CNTN5: variants seen among roughly 807,000 people sequenced by gnomAD.
The protein encoded by CNTN5 is contactin 5, also known as contactin-5.
CNTN5 carries 77 observed loss-of-function variants against 129.1 expected under a neutral mutation model. That is an observed-to-expected ratio of 0.60 (90% CI 0.50 to 0.72). The LOEUF is 0.72. Ranked by LOEUF, CNTN5 falls within the 30% of genes least tolerant of loss-of-function variation. The pLI is 0.00. For synonymous variants in CNTN5, 509 were observed against 465.6 expected (o/e 1.09, Z -1.20); for missense variants, 1,478 against 1,328.8 (o/e 1.11, Z -1.75).
intron 6 of CNTN5, among the ~76,000 whole-genome samples, chr11:99,863,334 G>A (rs1412114961): frequency 6.6e-6 from 1 of 152,110 alleles, no homozygotes; most frequent in Non-Finnish European, 1.5e-5. Flanking sequence ...GGACACAATG[G>A]AGTAGAGATT....
intron 3 of CNTN5, among the ~76,000 whole-genome samples, chr11:99,573,981 A>G (rs959648915): frequency 1.3e-5 from 2 of 152,106 alleles, no homozygotes; most frequent in African/African-American, 2.4e-5. Flanking sequence ...AAGTATACAC[A>G]TGCCATGGTG....
intron 18 of CNTN5, among the ~76,000 whole-genome samples, chr11:100,283,754 T>C (rs948758126): frequency 2.0e-5 from 3 of 152,116 alleles, no homozygotes; most frequent in African/African-American, 7.2e-5. Flanking sequence ...GAGACCAGCC[T>C]GACCAACATG....
chr11:100,288,439 C>T (rs1950856694), intron 18 of CNTN5, among the ~76,000 whole-genome samples: 1 of 152,140 alleles, frequency 6.6e-6, no homozygotes, highest in African/African-American at 2.4e-5. Flanking sequence ...CAAACTAGAA[C>T]TCAGGATTAA....
intron 1 of CNTN5, among the ~76,000 whole-genome samples, chr11:99,119,027 A>G (rs1381820189): frequency 6.6e-6 from 1 of 152,112 alleles, no homozygotes; most frequent in East Asian, 1.9e-4. Context: ...AATTTTTTAA[A>G]TTACAACCTA....
chr11:99,442,446 A>T (rs1404854873), intron 2 of CNTN5, among the ~76,000 whole-genome samples: 1 of 152,220 alleles, frequency 6.6e-6, no homozygotes, highest in Non-Finnish European at 1.5e-5. Flanking sequence ...CTGGGATTAC[A>T]GGTGTGAGGC....
chr11:99,511,370 T>A (rs1946829652), intron 2 of CNTN5, among the ~76,000 whole-genome samples: 1 of 152,160 alleles, frequency 6.6e-6, no homozygotes, highest in African/African-American at 2.4e-5. Context: ...AGTTTCTTAA[T>A]CCTGAGTTCT....
intron 1 of CNTN5, among the ~76,000 whole-genome samples, chr11:99,066,190 G>A (rs1007681111): frequency 2.0e-5 from 3 of 151,990 alleles, no homozygotes; most frequent in African/African-American, 7.2e-5. Flanking sequence ...TGCAACCTTC[G>A]CCTCCTGGGT....
At chr11:100,180,611 A>G (rs1326612965) in intron 13 of CNTN5, among the ~76,000 whole-genome samples, 1 of 152,034 alleles carries the variant, frequency 6.6e-6, no homozygotes, top group African/African-American at 2.4e-5. Flanking sequence ...CTATAAAAGG[A>G]AAGTTGATAG....
At chr11:99,507,746 A>G (rs1328380370) in intron 2 of CNTN5, among the ~76,000 whole-genome samples, 1 of 152,212 alleles carries the variant, frequency 6.6e-6, no homozygotes, top group African/African-American at 2.4e-5. Flanking sequence ...TTCACGTGCC[A>G]TATTTTTTCA....
intron 3 of CNTN5, among the ~76,000 whole-genome samples, chr11:99,667,449 A>G (rs1030455062): frequency 6.6e-6 from 1 of 152,120 alleles, no homozygotes; most frequent in East Asian, 1.9e-4. Flanking sequence ...CTCAATGGCT[A>G]ATGTTGATAG....
intron 8 of CNTN5, among the ~76,000 whole-genome samples, chr11:99,985,143 C>T (rs1005490717): frequency 1.3e-5 from 2 of 152,072 alleles, no homozygotes; most frequent in Non-Finnish European, 2.9e-5. Flanking sequence ...GATGGCTTCC[C>T]TCTGCTGGCA....
At chr11:99,833,431 C>T (rs7113603) in intron 4 of CNTN5, among the ~76,000 whole-genome samples, 19,187 of 152,016 alleles carry the variant, frequency 0.13, 1,708 homozygotes, top group East Asian at 0.43. Flanking sequence ...CAATCTGTTT[C>T]TTACTTTCAG....
chr11:99,893,876 A>T (rs1949129959), intron 6 of CNTN5, among the ~76,000 whole-genome samples: 5 of 152,250 alleles, frequency 3.3e-5, no homozygotes, highest in African/African-American at 9.6e-5. Context: ...TATAGTTTTT[A>T]AAAAATTATC....
At chr11:99,784,549 T>C (rs1343834771) in intron 3 of CNTN5, among the ~76,000 whole-genome samples, 1 of 152,110 alleles carries the variant, frequency 6.6e-6, no homozygotes, top group African/African-American at 2.4e-5. Flanking sequence ...TGCATGTGTC[T>C]TTATAGTAAA....
chr11:99,892,764 G>T (rs1837768), intron 6 of CNTN5, among the ~76,000 whole-genome samples: 125,790 of 152,088 alleles, frequency 0.83, 52,605 homozygotes, highest in Non-Finnish European at 0.88. Context: ...GTAGCCTTGA[G>T]GCCTCCAGCT....
At chr11:99,926,645 C>A (rs1247668470) in intron 7 of CNTN5, among the ~76,000 whole-genome samples, 3 of 152,040 alleles carry the variant, frequency 2.0e-5, no homozygotes, top group African/African-American at 7.2e-5. Context: ...ATACTCCTTG[C>A]TTCAAAATTA....
chr11:100,354,311 C>A (rs906490651), intron 24 of CNTN5, among the ~76,000 whole-genome samples: 5 of 151,520 alleles, frequency 3.3e-5, no homozygotes, highest in Middle Eastern at 3.2e-3. Context: ...ATCTAAAAGT[C>A]ACTTAGTTTG....
chr11:99,452,739 A>G (rs1944355294), intron 2 of CNTN5, among the ~76,000 whole-genome samples: 1 of 152,096 alleles, frequency 6.6e-6, no homozygotes, highest in African/African-American at 2.4e-5. Context: ...TTATAGTTCT[A>G]TGTACGAATA....
At chr11:99,785,849 A>T (rs1945501710) in intron 3 of CNTN5, among the ~76,000 whole-genome samples, 1 of 152,140 alleles carries the variant, frequency 6.6e-6, no homozygotes, top group South Asian at 2.1e-4. Flanking sequence ...TTGATGGGAC[A>T]TATCTCAAAA....
Sources: gnomAD v4.1 joint callset for allele counts (sites outside exome capture counted in the v4.1 genomes callset) on GRCh38, gnomAD v4.1.1 for gene constraint, MANE v1.5 for transcripts, NCBI Gene and HGNC (gene_info 2026-07-23, HGNC 2026-07-21) for gene names.